DCLK1: variants seen among roughly 807,000 people sequenced by gnomAD.
The protein encoded by DCLK1 is serine/threonine-protein kinase DCLK1.
DCLK1 carries 16 observed loss-of-function variants against 86.2 expected under a neutral mutation model. That is an observed-to-expected ratio of 0.19 (90% CI 0.13 to 0.28). The LOEUF is 0.28. Ranked by LOEUF, DCLK1 falls within the 10% of genes least tolerant of loss-of-function variation. The pLI is 1.00. For synonymous variants in DCLK1, 369 were observed against 370.5 expected (o/e 1.00, Z 0.05); for missense variants, 590 against 940.2 (o/e 0.63, Z 4.87).
chr13:35,783,639 G>A (rs1239849796), intron 16 of DCLK1, among the ~76,000 whole-genome samples: 1 of 152,180 alleles, frequency 6.6e-6, no homozygotes, highest in Non-Finnish European at 1.5e-5. Flanking sequence ...AGGCTGGAGT[G>A]CAGTGGTGTG....
chr13:35,956,280 G>A (rs951790420), intron 3 of DCLK1, among the ~76,000 whole-genome samples: 2 of 152,130 alleles, frequency 1.3e-5, no homozygotes, highest in Admixed American at 1.3e-4. Flanking sequence ...TGAGCCATCT[G>A]ATTGAACTCA....
At chr13:35,984,996 G>A (rs542292474) in intron 3 of DCLK1, among the ~76,000 whole-genome samples, 6 of 152,146 alleles carry the variant, frequency 3.9e-5, no homozygotes, top group Middle Eastern at 3.4e-3. Flanking sequence ...GGTGCCTCCC[G>A]TCACCATGGA....
chr13:36,110,719 T>C (rs1885582772), intron 3 of DCLK1, among the ~76,000 whole-genome samples: 1 of 152,126 alleles, frequency 6.6e-6, no homozygotes, highest in Non-Finnish European at 1.5e-5. Context: ...TAAAAAAGCA[T>C]TTTGATAGCA....
intron 3 of DCLK1, among the ~76,000 whole-genome samples, chr13:36,074,469 A>T (rs1300016885): frequency 1.1e-3 from 3 of 2,786 alleles, no homozygotes; most frequent in Non-Finnish European, 5.2e-3. Flanking sequence ...ACTCCGTCTC[A>T]AAAAAAAAAA....
At chr13:35,864,904 G>C (rs2874876) in intron 5 of DCLK1, among the ~76,000 whole-genome samples, 5,101 of 152,020 alleles carry the variant, frequency 0.034, 336 homozygotes, top group African/African-American at 0.12. Flanking sequence ...CTCCTGCCTA[G>C]GCCTCCCAAA....
chr13:35,803,101 T>C (rs1358916050), intron 15 of DCLK1, among the ~76,000 whole-genome samples: 2 of 152,214 alleles, frequency 1.3e-5, no homozygotes, highest in East Asian at 1.9e-4. Context: ...TGCATGGGAC[T>C]TTAAAACACC....
At position 35,839,721 on chromosome 13, in the gene DCLK1, G is replaced by C. The variant is rs1356208600; in HGVS notation, c.1036-545C>G. Reference sequence around the variant, plus strand: ...GAGATCAAAACATAAGCACTGAGTAGGTTATTGGTTTGTTAAACGTTACAT... The same window carrying C: ...GAGATCAAAACATAAGCACTGAGTACGTTATTGGTTTGTTAAACGTTACAT... On this transcript the variant is annotated intron_variant, in intron 6 of 16. Transcript: ENST00000360631. 2.6e-5 allele frequency among the ~76,000 whole-genome samples: 4 copies of C among 152,148 alleles called. No homozygotes were observed. The East Asian group carries it at 5.8e-4, about 22-fold the overall frequency.
intron 3 of DCLK1, among the ~76,000 whole-genome samples, chr13:35,958,028 A>T (rs1379405898): frequency 6.1e-4 from 81 of 133,274 alleles, no homozygotes; most frequent in Middle Eastern, 8.0e-3. Context: ...CACACACCAC[A>T]ACTACCACCA....
chr13:35,791,407 T>A (rs1449873406), intron 16 of DCLK1, among the ~76,000 whole-genome samples: 1 of 152,146 alleles, frequency 6.6e-6, no homozygotes, highest in African/African-American at 2.4e-5. Context: ...GAAACCGTGT[T>A]AGTGATGAAT....
At chr13:35,921,457 A>T (rs1461145046) in intron 4 of DCLK1, among the ~76,000 whole-genome samples, 1 of 152,108 alleles carries the variant, frequency 6.6e-6, no homozygotes, top group Non-Finnish European at 1.5e-5. Context: ...CAGAAATTCG[A>T]CTTCCTCAGA....
intron 4 of DCLK1, among the ~76,000 whole-genome samples, chr13:35,883,267 G>C (rs867447330): frequency 1.9e-4 from 29 of 152,170 alleles, no homozygotes; most frequent in African/African-American, 7.0e-4. Context: ...GGAGGTGACT[G>C]GGTCATGGGA....
intron 3 of DCLK1, among the ~76,000 whole-genome samples, chr13:36,074,305 T>C (rs1884087908): frequency 1.3e-5 from 2 of 151,414 alleles, no homozygotes; most frequent in Admixed American, 1.3e-4. Flanking sequence ...GATCGAGACC[T>C]TCCCGGCTAA....
intron 11 of DCLK1, among the ~76,000 whole-genome samples, chr13:35,816,393 G>A (rs2087267048): frequency 6.6e-6 from 1 of 152,008 alleles, no homozygotes; most frequent in Admixed American, 6.5e-5. Flanking sequence ...TTTTTCCGAA[G>A]TGAATCGCAT....
intron 4 of DCLK1, among the ~76,000 whole-genome samples, chr13:35,914,755 G>A (rs1875308991): frequency 6.6e-6 from 1 of 151,942 alleles, no homozygotes; most frequent in Admixed American, 6.6e-5. Flanking sequence ...ATTTTCTGAG[G>A]CTGCCAAATT....
rs189634792 is a variant in DCLK1, at chr13:35,872,054, T to C, written c.824-714A>G. Among the ~76,000 whole-genome samples the C allele has an allele frequency of 3.9e-5, 6 of 152,320 alleles. No homozygotes were observed. In the East Asian group the frequency reaches 1.2e-3, roughly 29 times the overall value. ...TGTCCATTATATTCAATGCTGAACA[T>C]CTTAAATGGCAGAGAGTTTTCTATT... On this transcript the variant is annotated intron_variant, in intron 4 of 16. Coordinates refer to ENST00000360631, the MANE Select transcript of DCLK1 (RefSeq NM_001330071.2).
At chr13:36,029,654 C>T (rs1882189839) in intron 3 of DCLK1, among the ~76,000 whole-genome samples, 1 of 152,138 alleles carries the variant, frequency 6.6e-6, no homozygotes, top group Non-Finnish European at 1.5e-5. Context: ...AAAGGAAAGG[C>T]TCAAGAGAGT....
intron 4 of DCLK1, among the ~76,000 whole-genome samples, chr13:35,874,134 C>G (rs1872460274): frequency 6.6e-6 from 1 of 152,150 alleles, no homozygotes; most frequent in South Asian, 2.1e-4. Context: ...CATTCCAGAT[C>G]TCATTCTGAT....
intron 3 of DCLK1, among the ~76,000 whole-genome samples, chr13:36,107,403 G>C (rs905332741): frequency 1.2e-4 from 17 of 146,778 alleles, no homozygotes; most frequent in African/African-American, 3.6e-4. Flanking sequence ...GAGTGCAGTG[G>C]CGCGATCTCG....
chr13:35,867,587 A>C (rs1033944309), intron 5 of DCLK1, among the ~76,000 whole-genome samples: 4 of 152,164 alleles, frequency 2.6e-5, no homozygotes, highest in African/African-American at 9.7e-5. Flanking sequence ...TTAAACTTCT[A>C]AAAGGAATAA....
Sources: allele counts gnomAD v4.1 joint callset (sites outside exome capture counted in the v4.1 genomes callset), GRCh38; gene constraint gnomAD v4.1.1; transcripts MANE v1.5; gene names NCBI Gene and HGNC (gene_info 2026-07-23, HGNC 2026-07-21).